The following CSMD2 variants were observed in gnomAD, a reference collection of about 807,000 sequenced individuals.
CSMD2 encodes the protein CUB and sushi domain-containing protein 2.
A neutral mutation model predicts 398.5 loss-of-function variants in CSMD2; 130 were observed. That is an observed-to-expected ratio of 0.33 (90% CI 0.28 to 0.38). The LOEUF (loss-of-function observed/expected upper bound fraction) is 0.38, where lower values mean the gene tolerates loss of function less well. Ranked by LOEUF, CSMD2 falls within the 10% of genes least tolerant of loss-of-function variation. CSMD2 has a pLI of 1.00. For missense variants in CSMD2, 3,829 were observed against 4,764.9 expected, an observed-to-expected ratio of 0.80 and a Z score of 5.78; for synonymous variants, 1,828 against 1,908.5, an observed-to-expected ratio of 0.96 and a Z score of 1.10.
chr1:33,886,265 C>T (rs1382583309), intron 5 of CSMD2, among the ~76,000 whole-genome samples: 1 of 152,090 alleles, frequency 6.6e-6, no homozygotes, highest in South Asian at 2.1e-4. Context: ...AAAGGTCACA[C>T]TGGACCAGAA....
intron 25 of CSMD2, among the ~76,000 whole-genome samples, chr1:33,667,332 A>G (rs972286717): frequency 1.3e-5 from 2 of 152,212 alleles, no homozygotes; most frequent in African/African-American, 4.8e-5. Flanking sequence ...ACTGTGTATA[A>G]GGCACTTTCA....
chr1:33,709,298 C>T (rs1202921405), intron 21 of CSMD2, 40 bp from the exon 22 acceptor site: 5 of 1,558,960 alleles, frequency 3.2e-6, no homozygotes, highest in Non-Finnish European at 3.5e-6. Context: ...TAACCCCCAT[C>T]AGCTGCATCC....
chr1:33,606,168 G>C (rs16835665), intron 41 of CSMD2, among the ~76,000 whole-genome samples: 20,116 of 152,222 alleles, frequency 0.13, 1,340 homozygotes, highest in African/African-American at 0.15. Flanking sequence ...AGGCTGCTGA[G>C]GGATTCCTGA....
intron 12 of CSMD2, among the ~76,000 whole-genome samples, chr1:33,776,288 A>T: frequency 6.6e-6 from 1 of 152,178 alleles, no homozygotes; most frequent in East Asian, 1.9e-4. Flanking sequence ...AGCACACTAG[A>T]GGCCCAGCCT....
intron 3 of CSMD2, among the ~76,000 whole-genome samples, chr1:33,943,657 G>C (rs1188036999): frequency 6.6e-6 from 1 of 152,058 alleles, no homozygotes; most frequent in Non-Finnish European, 1.5e-5. Context: ...CCTGCACTTT[G>C]TTGTACATTG....
chr1:33,803,522 T>C (rs1655858673), intron 10 of CSMD2, among the ~76,000 whole-genome samples: 1 of 152,232 alleles, frequency 6.6e-6, no homozygotes, highest in East Asian at 1.9e-4. Flanking sequence ...CATTCATCTG[T>C]TCATGGAATA....
chr1:33,626,756 G>A (rs1205605583), intron 32 of CSMD2, among the ~76,000 whole-genome samples, 175 bp from the exon 33 acceptor site: 2 of 152,202 alleles, frequency 1.3e-5, no homozygotes, highest in Non-Finnish European at 2.9e-5. Context: ...ACAATTTAAA[G>A]TTTATAGAAA....
At chr1:34,165,259 G>T, upstream of CSMD2, 6 of 1,185,062 alleles carry the variant, frequency 5.1e-6, no homozygotes, top group Non-Finnish European at 6.3e-6. Flanking sequence ...GCCGGGGAGA[G>T]GCGCGCTGCG....
At chr1:33,627,099 A>G (rs1365382748) in intron 32 of CSMD2, among the ~76,000 whole-genome samples, 1 of 152,198 alleles carries the variant, frequency 6.6e-6, no homozygotes, top group Non-Finnish European at 1.5e-5. Flanking sequence ...AATGATTACC[A>G]GAGCGATGGT....
intron 22 of CSMD2, among the ~76,000 whole-genome samples, chr1:33,702,716 A>G (rs1645650672): frequency 6.6e-6 from 1 of 152,188 alleles, no homozygotes; most frequent in Non-Finnish European, 1.5e-5. Context: ...GAATTTCTAT[A>G]ATAAAAATTA....
rs145814134 is a variant in CSMD2 at position 33,586,609 on chromosome 1, C to T, written c.6946G>A (p.Val2316Ile). ...ENEEFNIGDI[V>I]RYRCLPGFTL... is the part of the protein sequence containing the mutation. ...AAGCCAGGGAGGCATCTGTAGCGTA[C>T]GATGTCACCTGTCAAAGAAAGACCA... The change falls in exon 46 of 71, where the codon GTA becomes ATA. Residue 2316 changes from valine to isoleucine, a missense_variant. Transcript: ENST00000373381. The T allele has an allele frequency of 3.2e-5, 51 of 1,609,128 alleles. No homozygotes were observed. The highest frequency in any genetic ancestry group is 2.2e-4 in the South Asian group (20 of 90,984).
chr1:33,921,391 G>A lies in CSMD2; in HGVS notation c.713-3090C>T, dbSNP rs189454956. On this transcript the variant is annotated intron_variant, in intron 4 of 70. Coordinates refer to ENST00000373381, the MANE Select transcript of CSMD2 (RefSeq NM_001281956.2). ...TAAATTCACCATGAACATTACCAGG[G>A]AGATAAGCCACAGGAGCCAGCCAAC... Among the ~76,000 whole-genome samples, 124 of 152,270 alleles carry A rather than the reference G, an allele frequency of 8.1e-4. 1 individual carries two copies. The highest frequency in any genetic ancestry group is 3.4e-3 in the Middle Eastern group (1 of 294).
In CSMD2 at chr1:33,662,743, A is replaced by G. The variant is rs917882563; in HGVS notation, c.4255+147T>C. On this transcript the variant is annotated intron_variant, in intron 26 of 70. Transcript: ENST00000373381. ...GTGAGCTCAGCACAGACATTTGAAC[A>G]GGTGCTAACCATGTACCAGGCACAT... The G allele has an allele frequency of 5.1e-6, 4 of 790,058 alleles. No individual in the cohort carries two copies. In the Admixed American group the frequency reaches 7.8e-5, roughly 15 times the overall value. 48.9% of individuals were successfully genotyped at this position (790,058 alleles called of 1,614,324 possible). A position where few individuals can be genotyped will look rare whatever the true frequency, so the allele number is the denominator to read the frequency against.
At position 34,040,605 on chromosome 1, in the gene CSMD2, G is replaced by A. The variant is rs529913258; in HGVS notation, c.405-7899C>T. On this transcript the variant is annotated intron_variant, in intron 2 of 70. Coordinates refer to ENST00000373381, the MANE Select transcript of CSMD2 (RefSeq NM_001281956.2). ...TGAATGGCCAACTATTTGGTGTTTC[G>A]AGGAGCAGCCACACAGAGTCTTAGG... is the stretch of plus-strand genomic sequence containing the variant. Among the ~76,000 whole-genome samples, 59 of 152,272 alleles carry A rather than the reference G, an allele frequency of 3.9e-4. 1 individual carries two copies. The highest frequency in any genetic ancestry group is 1.3e-3 in the African/African-American group (56 of 41,540).
At chr1:33,853,167 C>T (rs1325136167) in intron 5 of CSMD2, among the ~76,000 whole-genome samples, 1 of 152,216 alleles carries the variant, frequency 6.6e-6, no homozygotes, top group Non-Finnish European at 1.5e-5. Flanking sequence ...TCCCTTTGAT[C>T]ATGGGTTTGT....
chr1:33,686,676 C>T (rs1214994947), intron 25 of CSMD2, among the ~76,000 whole-genome samples: 1 of 152,166 alleles, frequency 6.6e-6, no homozygotes, highest in African/African-American at 2.4e-5. Context: ...GCTACAGATC[C>T]CTCTGGTCAC....
At chr1:33,659,312 G>A (rs1048116633) in intron 26 of CSMD2, among the ~76,000 whole-genome samples, 2 of 152,198 alleles carry the variant, frequency 1.3e-5, no homozygotes, top group African/African-American at 4.8e-5. Context: ...GCAAGAGTTA[G>A]TCCAGAGAAA....
chr1:34,006,800 G>A (rs1228891033), intron 3 of CSMD2, among the ~76,000 whole-genome samples: 2 of 152,092 alleles, frequency 1.3e-5, no homozygotes, highest in Non-Finnish European at 2.9e-5. Context: ...GCCATGTCCA[G>A]TGTGGAGTCG....
At chr1:33,592,478 C>T in intron 44 of CSMD2, 1 of 717,070 alleles carries the variant, frequency 1.4e-6, no homozygotes, top group South Asian at 1.5e-5. Flanking sequence ...GTACAAACAG[C>T]TGCCAAGTGC....
Sources: allele counts gnomAD v4.1 joint callset (sites outside exome capture counted in the v4.1 genomes callset), GRCh38; gene constraint gnomAD v4.1.1; transcripts MANE v1.5; gene names NCBI Gene and HGNC (gene_info 2026-07-23, HGNC 2026-07-21).